SNX10: variants seen among roughly 807,000 people sequenced by gnomAD.
The protein encoded by SNX10 is sorting nexin 10, also known as sorting nexin-10.
SNX10 carries 25 observed loss-of-function variants against 28.5 expected under a neutral mutation model. That is an observed-to-expected ratio of 0.88 (90% confidence interval 0.64 to 1.22). The LOEUF is 1.22. Among genes scored for constraint, SNX10 ranks in the 50% most tolerant of loss-of-function variants. SNX10 has a pLI of 0.00. For synonymous variants in SNX10, 62 were observed against 81.4 expected (o/e 0.76, Z 1.28); for missense variants, 223 against 242.6 (o/e 0.92, Z 0.54).
At chr7:26,292,746 G>A (rs1255511573) in intron 1 of SNX10, among the ~76,000 whole-genome samples, 1 of 152,216 alleles carries the variant, frequency 6.6e-6, no homozygotes, top group East Asian at 1.9e-4. Flanking sequence ...TACAAGACAC[G>A]TTAAAAATGA....
At position 26,373,994 on chromosome 7, in the gene SNX10, A is replaced by G. The variant is rs1789677922; in HGVS notation, c.*1422A>G. 1 of 152,058 alleles carries G rather than the reference A, an allele frequency of 6.6e-6. No homozygotes were observed. The highest frequency in any genetic ancestry group is 1.5e-5 in the Non-Finnish European group (1 of 67,894). 9.4% of individuals were successfully genotyped at this position (152,058 alleles called of 1,614,324 possible). A position where few individuals can be genotyped will look rare whatever the true frequency, so the allele number is the denominator to read the frequency against. On this transcript the variant is annotated 3_prime_UTR_variant, in exon 7 of 7. Coordinates refer to ENST00000338523, the MANE Select transcript of SNX10 (RefSeq NM_013322.3). The surrounding 1 kb of genome is among the most constrained non-coding windows in gnomAD (Gnocchi z 4.2). Reference sequence around the variant, plus strand: ...CTTTTTTTCTTTGGTCTAAAACATTATTAAATTTTTGTAAATATTTTGATT... The same window carrying G: ...CTTTTTTTCTTTGGTCTAAAACATTGTTAAATTTTTGTAAATATTTTGATT...
chr7:26,292,591 A>G (rs1785969338), intron 1 of SNX10, among the ~76,000 whole-genome samples: 1 of 152,120 alleles, frequency 6.6e-6, no homozygotes, highest in African/African-American at 2.4e-5. Flanking sequence ...TAATTGACTG[A>G]TTATCAGATT....
At position 26,317,443 on chromosome 7, in the gene SNX10, A is replaced by C. The variant is rs572633201; in HGVS notation, c.-24+25357A>C. 4.6e-5 allele frequency among the ~76,000 whole-genome samples: 7 copies of C among 152,304 alleles called. No individual in the cohort carries two copies. The East Asian group carries it at 1.2e-3, about 25-fold the overall frequency. On this transcript the variant is annotated intron_variant, in intron 1 of 6. Coordinates refer to ENST00000338523, the MANE Select transcript of SNX10 (RefSeq NM_013322.3). Reference sequence around the variant, plus strand: ...ATGGGTGATTGTGAGAATTAACAACATACAACATACTCAGCACAAGGCCGA... The same window carrying C: ...ATGGGTGATTGTGAGAATTAACAACCTACAACATACTCAGCACAAGGCCGA...
At chr7:26,313,148 A>G (rs1346319284) in intron 1 of SNX10, among the ~76,000 whole-genome samples, 1 of 152,220 alleles carries the variant, frequency 6.6e-6, no homozygotes, top group Non-Finnish European at 1.5e-5. Flanking sequence ...ATGGAATAGT[A>G]CACAGCCACA....
At chr7:26,349,978 T>C (rs532364714) in intron 2 of SNX10, among the ~76,000 whole-genome samples, 6 of 152,302 alleles carry the variant, frequency 3.9e-5, no homozygotes, top group East Asian at 1.9e-4. Flanking sequence ...CTGGGCTCTT[T>C]CCTTGGCACA....
intron 1 of SNX10, among the ~76,000 whole-genome samples, chr7:26,338,370 G>T (rs1000631624): frequency 6.6e-6 from 1 of 152,030 alleles, no homozygotes; most frequent in Non-Finnish European, 1.5e-5. Context: ...TTATAAAGAC[G>T]GGAATTGAAA....
chr7:26,294,460 A>G (rs1040184792), intron 1 of SNX10, among the ~76,000 whole-genome samples: 4 of 152,188 alleles, frequency 2.6e-5, no homozygotes, highest in Non-Finnish European at 4.4e-5. Flanking sequence ...AACAGCTGAC[A>G]TTTATCGAGT....
intron 2 of SNX10, among the ~76,000 whole-genome samples, chr7:26,359,493 C>T (rs1418825188): frequency 6.6e-6 from 1 of 151,974 alleles, no homozygotes; most frequent in Non-Finnish European, 1.5e-5. Flanking sequence ...AACTCCCAAT[C>T]TTATCAAAAA....
intron 1 of SNX10, among the ~76,000 whole-genome samples, chr7:26,315,720 G>A (rs1787058100): frequency 6.6e-6 from 1 of 151,928 alleles, no homozygotes; most frequent in South Asian, 2.1e-4. Context: ...CTGCAAGATA[G>A]CGAATATAAT....
chr7:26,347,003 T>C (rs1157572590), intron 2 of SNX10, among the ~76,000 whole-genome samples: 1 of 152,174 alleles, frequency 6.6e-6, no homozygotes, highest in African/African-American at 2.4e-5. Flanking sequence ...CCCGGCTGAG[T>C]GTCCCTCCTT....
At chr7:26,365,256 T>G in intron 5 of SNX10, 111 bp downstream of exon 5, 1 of 678,910 alleles carries the variant, frequency 1.5e-6, no homozygotes, top group South Asian at 1.7e-5. Context: ...GCAAATAATC[T>G]GCACTAGAGC....
chr7:26,347,374 A>G (rs1423692254), intron 2 of SNX10, among the ~76,000 whole-genome samples: 2 of 152,216 alleles, frequency 1.3e-5, no homozygotes, highest in Non-Finnish European at 2.9e-5. Context: ...TTTGTTTTTT[A>G]ACTTTTAAAA....
At chr7:26,308,682 G>T (rs527715113) in intron 1 of SNX10, among the ~76,000 whole-genome samples, 5 of 152,256 alleles carry the variant, frequency 3.3e-5, no homozygotes, top group Admixed American at 2.0e-4. Context: ...AATAAGTTTT[G>T]TGAGCCGCTC....
At chr7:26,362,887 C>T (rs2699808) in intron 3 of SNX10, among the ~76,000 whole-genome samples, 2 of 151,924 alleles carry the variant, frequency 1.3e-5, no homozygotes, top group East Asian at 1.9e-4. Flanking sequence ...ACTTATGGAT[C>T]GACCTTAGTC....
At position 26,365,159 on chromosome 7, in the gene SNX10, A is replaced by G. The variant is rs200607325; in HGVS notation, c.311+14A>G. Reference sequence around the variant, plus strand: ...TTTCCTCAGAAAGTGAGTGTCCAGAAACTTTTGTGGCCAGACAAGGGGTGT... The same window carrying G: ...TTTCCTCAGAAAGTGAGTGTCCAGAGACTTTTGTGGCCAGACAAGGGGTGT... On this transcript the variant is annotated intron_variant, in intron 5 of 6. Coordinates refer to ENST00000338523, the MANE Select transcript of SNX10 (RefSeq NM_013322.3). 9 of 1,528,792 alleles carry G rather than the reference A, an allele frequency of 5.9e-6. No homozygotes were observed. The highest frequency in any genetic ancestry group is 1.8e-6 in the Non-Finnish European group (2 of 1,102,316). The allele number at this position is 1,528,792 out of a possible 1,614,324, so 94.7% of individuals were successfully genotyped here. A position where few individuals can be genotyped will look rare whatever the true frequency, so the allele number is the denominator to read the frequency against.
intron 1 of SNX10, among the ~76,000 whole-genome samples, chr7:26,338,385 G>C (rs1788027613): frequency 6.6e-6 from 1 of 152,024 alleles, no homozygotes. Flanking sequence ...TTGAAACGGC[G>C]AGAGAGTAAT....
At chr7:26,301,957 G>GTAT (rs1786385205) in intron 1 of SNX10, among the ~76,000 whole-genome samples, 3 of 152,112 alleles carry the variant, frequency 2.0e-5, no homozygotes, top group African/African-American at 7.2e-5. Context: ...GTTAGGCATA[G>GTAT]GACTCTGAGG....
At chr7:26,357,273 G>T (rs1459404090) in intron 2 of SNX10, 1 of 145,754 alleles carries the variant, frequency 6.9e-6, no homozygotes, top group East Asian at 2.2e-4. Context: ...TGACCGAGTT[G>T]CATTTGAAAA....
intron 1 of SNX10, among the ~76,000 whole-genome samples, chr7:26,305,794 C>T (rs1786566413): frequency 6.6e-6 from 1 of 152,232 alleles, no homozygotes; most frequent in South Asian, 2.1e-4. Flanking sequence ...AGTCTGTAGA[C>T]AGACACATGT....
Sources: gnomAD v4.1 joint callset for allele counts (sites outside exome capture counted in the v4.1 genomes callset) on GRCh38, gnomAD v4.1.1 for gene constraint, Gnocchi (gnomAD v3.1) non-coding constraint, MANE v1.5 for transcripts, NCBI Gene and HGNC (gene_info 2026-07-23, HGNC 2026-07-21) for gene names.